IL1RAPL2: variants seen among roughly 807,000 people sequenced by gnomAD.
IL1RAPL2 encodes the protein interleukin 1 receptor accessory protein like 2.
IL1RAPL2 carries 3 observed loss-of-function variants against 44.1 expected under a neutral mutation model. The ratio of observed to expected loss-of-function variants is 0.07; its 90% CI spans 0.03 to 0.18. IL1RAPL2 has a LOEUF of 0.18. IL1RAPL2 is among the 10% of genes least tolerant of loss of function. The pLI, the probability that IL1RAPL2 is intolerant of heterozygous loss-of-function variation, is 1.00. For synonymous variants in IL1RAPL2, 181 were observed against 178.8 expected (o/e 1.01, Z -0.10); for missense variants, 391 against 496.4 (o/e 0.79, Z 2.02).
intron 2 of IL1RAPL2, among the ~76,000 whole-genome samples, chrX:104,927,123 A>G (rs1924792245): frequency 8.9e-6 from 1 of 112,134 alleles, no homozygotes; most frequent in Admixed American, 9.5e-5. Context: ...AGACCAGGTG[A>G]AACCATTTGG....
chrX:104,585,262 T>TA (rs1928495528), intron 1 of IL1RAPL2, among the ~76,000 whole-genome samples: 21 of 28,925 alleles, frequency 7.3e-4, no homozygotes, highest in Middle Eastern at 0.02. Flanking sequence ...ATAATATATA[T>TA]ATAATATATT....
At chrX:105,538,227 A>G (rs568122120) in intron 6 of IL1RAPL2, among the ~76,000 whole-genome samples, 2 of 108,085 alleles carry the variant, frequency 1.9e-5, no homozygotes, top group Non-Finnish European at 3.8e-5. Flanking sequence ...TAGTAGAGAC[A>G]GGGTTTCACC....
chrX:105,417,407 A>G (rs2035741665), intron 5 of IL1RAPL2, among the ~76,000 whole-genome samples: 1 of 112,638 alleles, frequency 8.9e-6, no homozygotes. Context: ...AGGGAGGCAG[A>G]GGTTGCAGCG....
chrX:105,190,384 A>G (rs1224971853), intron 2 of IL1RAPL2, among the ~76,000 whole-genome samples: 1 of 112,516 alleles, frequency 8.9e-6, no homozygotes, highest in Non-Finnish European at 1.9e-5. Flanking sequence ...CCTTAGTTTT[A>G]AAGCTTATGT....
chrX:105,596,102 T>C (rs1377758433), intron 6 of IL1RAPL2, among the ~76,000 whole-genome samples: 3 of 111,545 alleles, frequency 2.7e-5, no homozygotes, highest in African/African-American at 6.5e-5. Flanking sequence ...TTGATTTGTT[T>C]GTATTGTTTT....
At chrX:105,072,191 ACT>A (rs1439210153) in intron 2 of IL1RAPL2, among the ~76,000 whole-genome samples, 6 of 110,139 alleles carry the variant, frequency 5.4e-5, no homozygotes, top group Non-Finnish European at 5.7e-5. Flanking sequence ...TCCTACACAC[ACT>A]CTTTTCGCCT....
intron 2 of IL1RAPL2, among the ~76,000 whole-genome samples, chrX:104,898,397 A>G (rs1602794519): frequency 1.8e-5 from 2 of 112,620 alleles, no homozygotes; most frequent in African/African-American, 6.4e-5. Context: ...AAGTATAGGT[A>G]TATTAGTATT....
chrX:104,692,810 T>G (rs898919034), intron 2 of IL1RAPL2, among the ~76,000 whole-genome samples: 1 of 111,761 alleles, frequency 8.9e-6, no homozygotes, highest in Non-Finnish European at 1.9e-5. Context: ...AACATACGTG[T>G]GCATGTGTCT....
intron 5 of IL1RAPL2, among the ~76,000 whole-genome samples, chrX:105,276,523 T>C (rs748272894): frequency 8.9e-6 from 1 of 111,924 alleles, no homozygotes; most frequent in Non-Finnish European, 1.9e-5. Context: ...AATTGGAGAG[T>C]ACTAGCTGTA....
intron 2 of IL1RAPL2, among the ~76,000 whole-genome samples, chrX:104,873,972 A>G (rs1922830964): frequency 9.0e-6 from 1 of 111,022 alleles, no homozygotes; most frequent in Non-Finnish European, 1.9e-5. Context: ...TAACCTTGCT[A>G]TGAATGCCAG....
chrX:104,832,543 T>A (rs1921639815), intron 2 of IL1RAPL2, among the ~76,000 whole-genome samples: 1 of 111,740 alleles, frequency 8.9e-6, no homozygotes, highest in Non-Finnish European at 1.9e-5. Context: ...ATGTATAGAA[T>A]GGACAGCTTT....
chrX:105,082,743 G>A (rs1164704076), intron 2 of IL1RAPL2, among the ~76,000 whole-genome samples: 15 of 111,828 alleles, frequency 1.3e-4, no homozygotes, highest in Non-Finnish European at 2.6e-4. Context: ...CAAACAGAAA[G>A]GAATAGCATC....
chrX:104,921,476 C>T (rs1924638508), intron 2 of IL1RAPL2, among the ~76,000 whole-genome samples: 1 of 112,330 alleles, frequency 8.9e-6, no homozygotes, highest in African/African-American at 3.2e-5. Context: ...TCCATTGTCC[C>T]GCCTAGGTGG....
intron 6 of IL1RAPL2, among the ~76,000 whole-genome samples, chrX:105,610,887 T>C (rs1020178803): frequency 0.3 from 11 of 37 alleles, no homozygotes; most frequent in African/African-American, 0.48. Flanking sequence ...AAACGGTTAA[T>C]TGTAAAAACA....
intron 2 of IL1RAPL2, among the ~76,000 whole-genome samples, chrX:104,796,296 G>T (rs1044195462): frequency 3.6e-5 from 4 of 112,268 alleles, no homozygotes; most frequent in African/African-American, 1.3e-4. Context: ...CAAACTAAAG[G>T]TATTGTCAGG....
At chrX:105,744,263 AT>A (rs896067281) in intron 8 of IL1RAPL2, among the ~76,000 whole-genome samples, 1 of 112,092 alleles carries the variant, frequency 8.9e-6, no homozygotes, top group African/African-American at 3.2e-5. Flanking sequence ...TAGCAGTTAA[AT>A]GATTTCATTG....
intron 10 of IL1RAPL2, among the ~76,000 whole-genome samples, chrX:105,756,455 C>T (rs969212343): frequency 8.1e-5 from 9 of 111,762 alleles, no homozygotes; most frequent in Non-Finnish European, 1.7e-4. Context: ...ATTCAGATTA[C>T]CAGCAGGCTG....
chrX:104,702,480 T>C (rs1931293125), intron 2 of IL1RAPL2, among the ~76,000 whole-genome samples: 1 of 112,162 alleles, frequency 8.9e-6, no homozygotes, highest in African/African-American at 3.2e-5. Context: ...ACAAAATCCC[T>C]CTCTGTTTGA....
intron 2 of IL1RAPL2, among the ~76,000 whole-genome samples, chrX:105,040,583 T>C (rs370262565): frequency 1.1e-4 from 12 of 110,524 alleles, no homozygotes; most frequent in Non-Finnish European, 1.9e-4. Context: ...TATTCAGAGA[T>C]TCAACTTCTT....
Sources: gnomAD v4.1 joint callset for allele counts (sites outside exome capture counted in the v4.1 genomes callset) on GRCh38, gnomAD v4.1.1 for gene constraint, MANE v1.5 for transcripts, NCBI Gene and HGNC (gene_info 2026-07-23, HGNC 2026-07-21) for gene names.